TIAM1: variants seen among roughly 807,000 people sequenced by gnomAD.
The protein encoded by TIAM1 is rho guanine nucleotide exchange factor TIAM1.
A neutral mutation model predicts 163.5 loss-of-function variants in TIAM1; 65 were observed. That is an observed-to-expected ratio of 0.40 (90% CI 0.33 to 0.49). The LOEUF (loss-of-function observed/expected upper bound fraction) is 0.49, where lower values mean the gene tolerates loss of function less well. Among genes scored for constraint, TIAM1 ranks in the 20% least tolerant of loss-of-function variants. The probability of loss-of-function intolerance (pLI) is 0.77; values close to 1 mark genes in which losing one functional copy is unlikely to be tolerated. For missense variants in TIAM1, 1,789 were observed against 2,044.7 expected (o/e 0.87, Z 2.41); for synonymous variants, 833 against 810.1 (o/e 1.03, Z -0.48).
intron 5 of TIAM1, among the ~76,000 whole-genome samples, chr21:31,250,657 T>C (rs1467804615): frequency 6.6e-6 from 1 of 152,228 alleles, no homozygotes; most frequent in African/African-American, 2.4e-5. Flanking sequence ...CCATCAATCC[T>C]GTTGACCTAT....
chr21:31,280,664 G>GA (rs1184926133), intron 2 of TIAM1, among the ~76,000 whole-genome samples: 1 of 152,166 alleles, frequency 6.6e-6, no homozygotes, highest in Non-Finnish European at 1.5e-5. Context: ...TGATGGGGCT[G>GA]AGAAGTCCCA....
At chr21:31,526,978 AGGCG>A (rs2047808666) in intron 1 of TIAM1, among the ~76,000 whole-genome samples, 1 of 152,152 alleles carries the variant, frequency 6.6e-6, no homozygotes, top group African/African-American at 2.4e-5. Flanking sequence ...CTGGGATTAC[AGGCG>A]TGAGCCACCA....
In TIAM1 at chr21:31,308,283, G is replaced by A. The variant is rs1601907395; in HGVS notation, c.-189+30960C>T. Reference sequence around the variant, plus strand: ...AAAACTAAAAGCTGCACAATGGTTCGTCTGCATGACCTTAGGCAAGGTAGG... The same window carrying A: ...AAAACTAAAAGCTGCACAATGGTTCATCTGCATGACCTTAGGCAAGGTAGG... On this transcript the variant is annotated intron_variant, in intron 2 of 27. Transcript: ENST00000541036. 4.6e-5 allele frequency among the ~76,000 whole-genome samples: 7 copies of A among 152,090 alleles called. No individual in the cohort carries two copies. The South Asian group carries it at 1.2e-3, about 27-fold the overall frequency.
chr21:31,180,169 G>A (rs2084947535), intron 15 of TIAM1, among the ~76,000 whole-genome samples: 1 of 152,096 alleles, frequency 6.6e-6, no homozygotes, highest in Non-Finnish European at 1.5e-5. Flanking sequence ...GCCTCCCAAA[G>A]TGCTGGGATT....
rs1345457664 is a variant in TIAM1, at chr21:31,388,242, C to CAAACACACACACACAG, written c.-368-48821_-368-48820insCTGTGTGTGTGTGTTT. Among the ~76,000 whole-genome samples the CAAACACACACACACAG allele has an allele frequency of 3.0e-3, 331 of 111,712 alleles. 1 individual carries two copies. Among genetic ancestry groups the CAAACACACACACACAG allele is most frequent in the African/African-American group, 0.011 (315 of 29,898 alleles). 73.3% of individuals were successfully genotyped at this position (111,712 alleles called of 152,430 possible). A position where few individuals can be genotyped will look rare whatever the true frequency, so the allele number is the denominator to read the frequency against. The stretch of plus-strand genomic sequence containing the variant: ...ACACACACACACACACACACACACA[C>CAAACACACACACACAG]ACACACACACACACACAACCTCTTA... On this transcript the variant is annotated intron_variant, in intron 2 of 28. Coordinates refer to the TIAM1 transcript ENST00000286827.
chr21:31,495,054 G>A (rs1289658214), intron 1 of TIAM1, among the ~76,000 whole-genome samples: 2 of 152,170 alleles, frequency 1.3e-5, no homozygotes, highest in African/African-American at 2.4e-5. Context: ...AACAGTGTGT[G>A]TATAAGTGTG....
At chr21:31,304,944 C>T (rs747626637) in intron 2 of TIAM1, among the ~76,000 whole-genome samples, 16 of 152,276 alleles carry the variant, frequency 1.1e-4, no homozygotes, top group Non-Finnish European at 2.2e-4. Flanking sequence ...CCACCCGCCT[C>T]GGCCTCCCAA....
intron 1 of TIAM1, among the ~76,000 whole-genome samples, chr21:31,492,550 TGGAAGCCCCTC>T (rs987426613): frequency 6.6e-5 from 10 of 152,130 alleles, no homozygotes; most frequent in African/African-American, 2.4e-4. Flanking sequence ...ACCTATGACC[TGGAAGCCCCTC>T]GCTTAGAGTT....
At chr21:31,303,850 C>T (rs2146964425) in intron 2 of TIAM1, among the ~76,000 whole-genome samples, 1 of 152,160 alleles carries the variant, frequency 6.6e-6, no homozygotes, top group African/African-American at 2.4e-5. Flanking sequence ...TAGCGGCATG[C>T]ACCTGTAATC....
chr21:31,431,633 A>G (rs576036636), intron 2 of TIAM1, among the ~76,000 whole-genome samples: 1 of 152,320 alleles, frequency 6.6e-6, no homozygotes, highest in East Asian at 1.9e-4. Flanking sequence ...CAACAGATAC[A>G]TGTTCTGAGA....
chr21:31,153,327 T>C (rs2083466253), intron 17 of TIAM1, among the ~76,000 whole-genome samples, 193 bp from the exon 18 acceptor site: 1 of 152,204 alleles, frequency 6.6e-6, no homozygotes, highest in Admixed American at 6.5e-5. Flanking sequence ...CAACCTTTTC[T>C]GTCAATATTT....
intron 1 of TIAM1, among the ~76,000 whole-genome samples, chr21:31,482,857 T>C (rs1193296621): frequency 1.3e-5 from 2 of 152,146 alleles, no homozygotes; most frequent in Non-Finnish European, 2.9e-5. Flanking sequence ...GTGCTAATCA[T>C]GAGATTATAA....
chr21:31,450,919 ACTT>A (rs2044812259), intron 2 of TIAM1, among the ~76,000 whole-genome samples: 1 of 152,144 alleles, frequency 6.6e-6, no homozygotes, highest in African/African-American at 2.4e-5. Flanking sequence ...CGGGAGCTAC[ACTT>A]CAAGATGAGA....
intron 1 of TIAM1, among the ~76,000 whole-genome samples, chr21:31,491,096 G>A (rs895893423): frequency 1.4e-4 from 22 of 152,110 alleles, no homozygotes; most frequent in African/African-American, 1.4e-4. Context: ...GCGCCACTGC[G>A]CTCCAACCTG....
intron 2 of TIAM1, among the ~76,000 whole-genome samples, chr21:31,382,429 C>T (rs2076794167): frequency 6.6e-6 from 1 of 152,204 alleles, no homozygotes; most frequent in Non-Finnish European, 1.5e-5. Context: ...AGATACATTT[C>T]AATTTCCAAT....
At chr21:31,178,043 T>G (rs1384206033) in intron 15 of TIAM1, among the ~76,000 whole-genome samples, 1 of 152,252 alleles carries the variant, frequency 6.6e-6, no homozygotes, top group Non-Finnish European at 1.5e-5. Flanking sequence ...CTGCCCGTTG[T>G]ACAAAATTTT....
At chr21:31,270,771 T>C (rs2073021509) in intron 3 of TIAM1, among the ~76,000 whole-genome samples, 2 of 152,344 alleles carry the variant, frequency 1.3e-5, no homozygotes, top group South Asian at 2.1e-4. Flanking sequence ...GTGTATCTTA[T>C]GTGTGGCCCA....
chr21:31,301,473 T>C (rs1279260026), intron 2 of TIAM1, among the ~76,000 whole-genome samples: 1 of 152,100 alleles, frequency 6.6e-6, no homozygotes, highest in African/African-American at 2.4e-5. Context: ...AATCAAAACA[T>C]AGAATAAATA....
At chr21:31,539,556 C>T (rs1329284363) in intron 1 of TIAM1, among the ~76,000 whole-genome samples, 2 of 152,098 alleles carry the variant, frequency 1.3e-5, no homozygotes, top group African/African-American at 2.4e-5. Flanking sequence ...TGAGCCACCG[C>T]GCCCGGCCGG....
Sources: allele counts gnomAD v4.1 joint callset (sites outside exome capture counted in the v4.1 genomes callset), GRCh38; gene constraint gnomAD v4.1.1; transcripts MANE v1.5; gene names NCBI Gene and HGNC (gene_info 2026-07-23, HGNC 2026-07-21).